Variants in ODAD2 observed in about 807,000 individuals in gnomAD.
The protein encoded by ODAD2 is outer dynein arm-docking complex subunit 2.
ODAD2 carries 89 observed loss-of-function variants against 106.8 expected under a neutral mutation model. The observed-to-expected ratio is 0.83, with a 90% confidence interval of 0.70 to 0.99. The LOEUF is 0.99. Among genes scored for constraint, ODAD2 ranks in the 50% least tolerant of loss-of-function variants. The pLI, the probability that ODAD2 is intolerant of heterozygous loss-of-function variation, is 0.00. For missense variants in ODAD2, 1,168 were observed against 1,238.5 expected, an observed-to-expected ratio of 0.94 and a Z score of 0.85; for synonymous variants, 404 against 436.2, an observed-to-expected ratio of 0.93 and a Z score of 0.92.
intron 10 of ODAD2, among the ~76,000 whole-genome samples, chr10:27,952,225 A>G (rs1323154509): frequency 1.3e-5 from 2 of 152,094 alleles, no homozygotes; most frequent in Non-Finnish European, 1.5e-5. Context: ...GCTATTTGAC[A>G]TATAAAAAAA....
chr10:27,917,442 C>T (rs778265731), intron 16 of ODAD2, among the ~76,000 whole-genome samples: 1 of 151,946 alleles, frequency 6.6e-6, no homozygotes, highest in Non-Finnish European at 1.5e-5. Flanking sequence ...TACCAATGAA[C>T]ACAGCTTTTA....
chr10:27,940,874 C>G, intron 12 of ODAD2, 69 bp from the exon 13 acceptor site: 1 of 1,487,558 alleles, frequency 6.7e-7, no homozygotes, highest in South Asian at 1.3e-5. Flanking sequence ...TCTTCAATAG[C>G]TACAGTGTTC....
chr10:27,973,212 A>AATACATACATACATAC lies in ODAD2; in HGVS notation c.937-1915_937-1900dup, dbSNP rs56390356. 6.3e-3 allele frequency among the ~76,000 whole-genome samples: 928 copies of AATACATACATACATAC among 148,342 alleles called. 10 individuals are homozygous for AATACATACATACATAC. The highest frequency in any genetic ancestry group is 0.018 in the African/African-American group (704 of 40,078). On this transcript the variant is annotated intron_variant, in intron 7 of 19. Coordinates refer to ENST00000305242, the MANE Select transcript of ODAD2 (RefSeq NM_018076.5). ...CAGCATGAACTCTCATGGTCAAAAT[A>AATACATACATACATAC]ATACATACATACATACATACATACA...
At chr10:27,882,299 A>T (rs1841802183) in intron 17 of ODAD2, among the ~76,000 whole-genome samples, 2 of 152,150 alleles carry the variant, frequency 1.3e-5, no homozygotes, top group Non-Finnish European at 2.9e-5. Flanking sequence ...TCTGGAATAA[A>T]ATTTTTTTTT....
At chr10:27,923,791 T>A (rs563220649) in intron 16 of ODAD2, among the ~76,000 whole-genome samples, 3 of 151,516 alleles carry the variant, frequency 2.0e-5, no homozygotes, top group African/African-American at 4.8e-5. Flanking sequence ...CTACAAAAAA[T>A]TTTTGAAATT....
chr10:27,915,425 A>AAG (rs1844290413), intron 16 of ODAD2, among the ~76,000 whole-genome samples: 1 of 152,084 alleles, frequency 6.6e-6, no homozygotes, highest in African/African-American at 2.4e-5. Context: ...AGAAGGGGCA[A>AAG]AGGAGCTCTC....
At chr10:27,923,214 AT>A (rs1245117627) in intron 16 of ODAD2, among the ~76,000 whole-genome samples, 1 of 152,216 alleles carries the variant, frequency 6.6e-6, no homozygotes, top group Non-Finnish European at 1.5e-5. Flanking sequence ...ACTATGTTTA[AT>A]TGACTCACAA....
At chr10:27,813,110 T>G (rs2132756262) in intron 19 of ODAD2, among the ~76,000 whole-genome samples, 1 of 152,342 alleles carries the variant, frequency 6.6e-6, no homozygotes, top group South Asian at 2.1e-4. Flanking sequence ...GAAGGGTTTG[T>G]GCACTCTGGC....
intron 7 of ODAD2, among the ~76,000 whole-genome samples, chr10:27,975,246 G>A (rs768145133): frequency 2.0e-4 from 30 of 152,150 alleles, no homozygotes; most frequent in African/African-American, 2.9e-4. Flanking sequence ...TAAATTAAAC[G>A]TATTGTAACA....
intron 16 of ODAD2, 83 bp from the exon 17 acceptor site, chr10:27,907,860 T>G: frequency 1.0e-6 from 1 of 962,502 alleles, no homozygotes; most frequent in Non-Finnish European, 1.6e-6. Context: ...ATTTAATTAT[T>G]TTTTCTCCTT....
chr10:27,938,191 G>A (rs557586211), intron 14 of ODAD2, among the ~76,000 whole-genome samples: 58 of 152,104 alleles, frequency 3.8e-4, no homozygotes, highest in African/African-American at 1.3e-3. Flanking sequence ...CACACACCTC[G>A]GCCTCCCAAA....
At chr10:27,948,078 C>T (rs1847065503) in intron 10 of ODAD2, among the ~76,000 whole-genome samples, 2 of 152,016 alleles carry the variant, frequency 1.3e-5, no homozygotes, top group Non-Finnish European at 2.9e-5. Flanking sequence ...CAGCAGATGT[C>T]CCAAAGGTAA....
chr10:27,952,718 T>C (rs145169683), intron 10 of ODAD2, among the ~76,000 whole-genome samples: 42 of 152,320 alleles, frequency 2.8e-4, no homozygotes, highest in African/African-American at 9.6e-4. Flanking sequence ...TACCTGGGCA[T>C]AAGGGTCTTC....
chr10:27,953,186 C>T (rs895985992), intron 10 of ODAD2, among the ~76,000 whole-genome samples: 1 of 152,118 alleles, frequency 6.6e-6, no homozygotes, highest in Non-Finnish European at 1.5e-5. Context: ...CTGAGATTTA[C>T]TTCTTAAATG....
chr10:27,913,124 G>A (rs942086551), intron 16 of ODAD2, among the ~76,000 whole-genome samples: 3 of 152,050 alleles, frequency 2.0e-5, no homozygotes, highest in African/African-American at 7.2e-5. Context: ...TAGTAAATAT[G>A]TTTCTCCTTT....
intron 19 of ODAD2, among the ~76,000 whole-genome samples, chr10:27,847,219 T>A (rs1390937473): frequency 3.9e-5 from 6 of 152,270 alleles, no homozygotes; most frequent in East Asian, 1.9e-4. Context: ...AAAAAGCTTA[T>A]CCACTATGAT....
At chr10:27,849,707 G>A (rs75685482) in intron 19 of ODAD2, among the ~76,000 whole-genome samples, 8,222 of 152,220 alleles carry the variant, frequency 0.054, 320 homozygotes, top group East Asian at 0.17. Context: ...TCCTACTGAA[G>A]ATAATCTGAT....
intron 16 of ODAD2, among the ~76,000 whole-genome samples, chr10:27,922,861 G>A (rs897601928): frequency 3.9e-5 from 6 of 151,994 alleles, no homozygotes; most frequent in Non-Finnish European, 7.4e-5. Context: ...AGCCAACATC[G>A]CACCACTGCA....
At chr10:27,852,066 A>G (rs1364967909) in intron 19 of ODAD2, among the ~76,000 whole-genome samples, 1 of 152,222 alleles carries the variant, frequency 6.6e-6, no homozygotes, top group Non-Finnish European at 1.5e-5. Flanking sequence ...ATAAAATTCT[A>G]TACCCAGCAA....
Sources: allele counts gnomAD v4.1 joint callset (sites outside exome capture counted in the v4.1 genomes callset), GRCh38; gene constraint gnomAD v4.1.1; transcripts MANE v1.5; gene names NCBI Gene and HGNC (gene_info 2026-07-23, HGNC 2026-07-21).